Variants in GRB14 observed in about 807,000 individuals in gnomAD.
GRB14 encodes the protein growth factor receptor-bound protein 14.
GRB14 carries 38 observed loss-of-function variants against 69.1 expected under a neutral mutation model. The ratio of observed to expected loss-of-function variants is 0.55; its 90% CI spans 0.42 to 0.72. The LOEUF (loss-of-function observed/expected upper bound fraction) is 0.72. Among genes scored for constraint, GRB14 ranks in the 30% least tolerant of loss-of-function variants. GRB14 has a pLI of 0.00. For synonymous variants in GRB14, 247 were observed against 241.3 expected (o/e 1.02, Z -0.22); for missense variants, 666 against 666.1 (o/e 1.00, Z 0.00).
At chr2:164,555,538 A>T (rs1027060013) in intron 2 of GRB14, among the ~76,000 whole-genome samples, 7 of 151,996 alleles carry the variant, frequency 4.6e-5, no homozygotes, top group Non-Finnish European at 8.8e-5. Flanking sequence ...CTTCTGTGTC[A>T]AAGTTTCTAT....
intron 2 of GRB14, among the ~76,000 whole-genome samples, chr2:164,591,648 G>A (rs983786923): frequency 6.6e-6 from 1 of 152,156 alleles, no homozygotes; most frequent in Non-Finnish European, 1.5e-5. Context: ...CCTTAGGGCA[G>A]TTAACTTCCC....
intron 2 of GRB14, among the ~76,000 whole-genome samples, chr2:164,605,830 C>T (rs1461651587): frequency 6.6e-6 from 1 of 152,090 alleles, no homozygotes; most frequent in Non-Finnish European, 1.5e-5. Flanking sequence ...CAGAGAAGCT[C>T]TAGAAAGGAC....
chr2:164,585,132 G>GA (rs1423223097), intron 2 of GRB14, among the ~76,000 whole-genome samples: 4 of 91,692 alleles, frequency 4.4e-5, no homozygotes, highest in Non-Finnish European at 7.8e-5. Flanking sequence ...TTTTTTAGTA[G>GA]AGATGGGGTT....
intron 3 of GRB14, among the ~76,000 whole-genome samples, chr2:164,540,305 A>G (rs1366348555): frequency 6.6e-6 from 1 of 152,168 alleles, no homozygotes; most frequent in Non-Finnish European, 1.5e-5. Context: ...GCTTTCTCTG[A>G]TGCCTCTTTA....
intron 2 of GRB14, among the ~76,000 whole-genome samples, chr2:164,606,101 A>G (rs1189900312): frequency 3.9e-5 from 6 of 152,170 alleles, no homozygotes; most frequent in African/African-American, 1.2e-4. Flanking sequence ...TGTTTTTCCC[A>G]TATTTTCAAT....
intron 3 of GRB14, among the ~76,000 whole-genome samples, chr2:164,527,441 G>T (rs867680377): frequency 6.6e-6 from 1 of 151,286 alleles, no homozygotes. Context: ...TTTTATTACT[G>T]TGTAAATAAT....
intron 9 of GRB14, among the ~76,000 whole-genome samples, chr2:164,498,598 G>A (rs1686966997): frequency 6.6e-6 from 1 of 152,068 alleles, no homozygotes; most frequent in Non-Finnish European, 1.5e-5. Context: ...ATTAATAGAA[G>A]AGCAAAACCC....
chr2:164,558,202 C>G (rs1688729186), intron 2 of GRB14, among the ~76,000 whole-genome samples: 1 of 152,144 alleles, frequency 6.6e-6, no homozygotes, highest in Non-Finnish European at 1.5e-5. Context: ...AGGCCAAGAG[C>G]CATGAAGAGT....
At chr2:164,616,365 G>T (rs1690295350) in intron 2 of GRB14, among the ~76,000 whole-genome samples, 1 of 142,100 alleles carries the variant, frequency 7.0e-6, no homozygotes, top group South Asian at 2.2e-4. Flanking sequence ...GGCAGAGCTT[G>T]CAGTAAGCCG....
chr2:164,601,355 G>A (rs1689909176), intron 2 of GRB14, among the ~76,000 whole-genome samples: 1 of 152,168 alleles, frequency 6.6e-6, no homozygotes, highest in African/African-American at 2.4e-5. Flanking sequence ...TGGAGGTAGA[G>A]GGAGATCAGA....
At chr2:164,614,906 T>A (rs1249335438) in intron 2 of GRB14, among the ~76,000 whole-genome samples, 1 of 152,162 alleles carries the variant, frequency 6.6e-6, no homozygotes, top group Non-Finnish European at 1.5e-5. Flanking sequence ...CTGCTTATCC[T>A]TTGAAAGTCC....
Position 164,502,207 on chromosome 2 carries a change from A to G in GRB14, c.1104+48T>C, listed in dbSNP as rs1213182909. 4.5e-6 allele frequency: 4 copies of G among 887,162 alleles called. No homozygotes were observed. The South Asian group carries it at 5.5e-5, about 12-fold the overall frequency. 55.0% of individuals were successfully genotyped at this position (887,162 alleles called of 1,614,324 possible). ...GTTATGTAGTGTAATTTAAATTAAT[A>G]TAATGTGAATGTAAAATAAAACACA... On this transcript the variant is annotated intron_variant, in intron 9 of 13. Coordinates refer to ENST00000263915, the MANE Select transcript of GRB14 (RefSeq NM_004490.3).
intron 2 of GRB14, among the ~76,000 whole-genome samples, chr2:164,566,930 T>C (rs1257348509): frequency 1.3e-5 from 2 of 152,204 alleles, no homozygotes; most frequent in African/African-American, 2.4e-5. Context: ...GTCCAGATAG[T>C]ACATTTTCCA....
intron 2 of GRB14, among the ~76,000 whole-genome samples, chr2:164,615,382 G>C (rs1354949726): frequency 2.6e-5 from 4 of 152,156 alleles, no homozygotes; most frequent in Non-Finnish European, 5.9e-5. Context: ...GAAATAAAAA[G>C]AGGAATTCCA....
At chr2:164,582,421 ATTATT>A (rs1322568600) in intron 2 of GRB14, among the ~76,000 whole-genome samples, 12 of 89,248 alleles carry the variant, frequency 1.3e-4, no homozygotes, top group African/African-American at 6.4e-4. Context: ...TTATTTATTT[ATTATT>A]TTTTTTTTTT....
intron 3 of GRB14, among the ~76,000 whole-genome samples, chr2:164,529,474 ACTTTTT>A (rs1225523769): frequency 2.6e-5 from 4 of 152,156 alleles, no homozygotes; most frequent in Non-Finnish European, 5.9e-5. Flanking sequence ...CTTTCAAATG[ACTTTTT>A]CTTCCTAAAT....
At chr2:164,514,791 A>G (rs780958870) in intron 6 of GRB14, among the ~76,000 whole-genome samples, 4 of 152,126 alleles carry the variant, frequency 2.6e-5, no homozygotes, top group Non-Finnish European at 4.4e-5. Context: ...TTGCCTCCTC[A>G]GTTGGGAGGC....
At chr2:164,557,959 A>G (rs1170233572) in intron 2 of GRB14, among the ~76,000 whole-genome samples, 1 of 152,128 alleles carries the variant, frequency 6.6e-6, no homozygotes, top group South Asian at 2.1e-4. Context: ...AACAGGCTAA[A>G]GAGTAGTGGT....
At chr2:164,605,578 C>T (rs1454759218) in intron 2 of GRB14, among the ~76,000 whole-genome samples, 1 of 152,092 alleles carries the variant, frequency 6.6e-6, no homozygotes, top group African/African-American at 2.4e-5. Context: ...AATCCTACAA[C>T]AGAACCTTTA....
Sources: allele counts gnomAD v4.1 joint callset (sites outside exome capture counted in the v4.1 genomes callset), GRCh38; gene constraint gnomAD v4.1.1; transcripts MANE v1.5; gene names NCBI Gene and HGNC (gene_info 2026-07-23, HGNC 2026-07-21).